The following ELAVL4 variants were observed in gnomAD, a reference collection of about 807,000 sequenced individuals.
ELAVL4 encodes ELAV-like protein 4.
In ELAVL4, 1 loss-of-function variant was observed where a neutral mutation model predicts 35.6. The ratio of observed to expected loss-of-function variants is 0.03; its 90% CI spans 0.01 to 0.13. ELAVL4 has a LOEUF of 0.13. Among genes scored for constraint, ELAVL4 ranks in the 10% least tolerant of loss-of-function variants. The pLI is 1.00. For synonymous variants in ELAVL4, 156 were observed against 171.0 expected (o/e 0.91, Z 0.69); for missense variants, 267 against 464.9 (o/e 0.57, Z 3.91).
intron 3 of ELAVL4, among the ~76,000 whole-genome samples, 168 bp downstream of exon 3, chr1:50,177,360 G>A (rs750931516): frequency 7.9e-5 from 12 of 152,210 alleles, no homozygotes; most frequent in Non-Finnish European, 1.3e-4. Context: ...TTACAGAAGA[G>A]TGAGGTGAGG....
chr1:50,068,157 G>A (rs1299478640), intron 1 of ELAVL4, among the ~76,000 whole-genome samples: 10 of 152,152 alleles, frequency 6.6e-5, no homozygotes, highest in Admixed American at 6.5e-4. Context: ...CAGGTTAAGG[G>A]GGATAGGTTA....
intron 2 of ELAVL4, among the ~76,000 whole-genome samples, chr1:50,167,704 G>T (rs12725207): frequency 0.075 from 11,418 of 152,178 alleles, 861 homozygotes; most frequent in East Asian, 0.42. Flanking sequence ...TCATGACAGG[G>T]GTGGCTGGGG....
At chr1:50,197,390 T>C in intron 5 of ELAVL4, 39 bp from the exon 6 acceptor site, 1 of 1,557,256 alleles carries the variant, frequency 6.4e-7, no homozygotes, top group Non-Finnish European at 8.6e-7. Flanking sequence ...TCTTGCCATC[T>C]GTGAGGCATT....
At chr1:50,083,294 A>G (rs1046614375) in intron 1 of ELAVL4, among the ~76,000 whole-genome samples, 5 of 152,010 alleles carry the variant, frequency 3.3e-5, no homozygotes, top group Admixed American at 3.3e-4. Context: ...TCAAACCCCC[A>G]ATGTCAAGTG....
intron 1 of ELAVL4, among the ~76,000 whole-genome samples, chr1:50,084,445 T>C (rs1665147627): frequency 6.6e-6 from 1 of 152,228 alleles, no homozygotes. Flanking sequence ...TCCAAGTCTT[T>C]TTTTATGCAT....
chr1:50,113,687 T>A (rs1667467266), intron 1 of ELAVL4, among the ~76,000 whole-genome samples: 1 of 152,144 alleles, frequency 6.6e-6, no homozygotes, highest in Admixed American at 6.6e-5. Flanking sequence ...ATCTTACTAT[T>A]GTCCAGTCGA....
At chr1:50,062,510 C>T (rs547203488) in intron 1 of ELAVL4, among the ~76,000 whole-genome samples, 1 of 152,246 alleles carries the variant, frequency 6.6e-6, no homozygotes, top group Admixed American at 6.5e-5. Context: ...ATTGATATTT[C>T]CCAGCCTGTG....
At chr1:50,080,028 G>T (rs1441180267) in intron 1 of ELAVL4, among the ~76,000 whole-genome samples, 4 of 152,114 alleles carry the variant, frequency 2.6e-5, no homozygotes, top group African/African-American at 9.7e-5. Context: ...CCACTGAAAT[G>T]ACTGTTCTGA....
At chr1:50,094,882 A>T (rs1438785367) in intron 1 of ELAVL4, among the ~76,000 whole-genome samples, 1 of 152,136 alleles carries the variant, frequency 6.6e-6, no homozygotes, top group Non-Finnish European at 1.5e-5. Context: ...GTGAGCCTAG[A>T]TTGCACCATT....
chr1:50,075,117 G>A (rs1664701468), intron 1 of ELAVL4, among the ~76,000 whole-genome samples: 1 of 152,182 alleles, frequency 6.6e-6, no homozygotes, highest in Non-Finnish European at 1.5e-5. Flanking sequence ...AGGATGAAGT[G>A]TGTGTCAGAT....
intron 2 of ELAVL4, among the ~76,000 whole-genome samples, chr1:50,162,833 C>T (rs1677040532): frequency 2.6e-5 from 4 of 151,928 alleles, no homozygotes; most frequent in Admixed American, 2.6e-4. Flanking sequence ...ATCCACCTGC[C>T]TTGGCCTCCC....
At chr1:50,131,811 G>C (rs1670903644) in intron 1 of ELAVL4, among the ~76,000 whole-genome samples, 1 of 144,962 alleles carries the variant, frequency 6.9e-6, no homozygotes, top group Non-Finnish European at 1.5e-5. Flanking sequence ...CAAACAAATA[G>C]AACAATGAAG....
At chr1:50,198,421 A>G (rs1644192049) in intron 6 of ELAVL4, among the ~76,000 whole-genome samples, 1 of 152,154 alleles carries the variant, frequency 6.6e-6, no homozygotes, top group Non-Finnish European at 1.5e-5. Context: ...AGTCTTTAAT[A>G]GTCCACATCA....
At chr1:50,091,280 C>T (rs916426178) in intron 1 of ELAVL4, among the ~76,000 whole-genome samples, 13 of 152,292 alleles carry the variant, frequency 8.5e-5, no homozygotes, top group African/African-American at 2.4e-4. Context: ...TACAGGAAAC[C>T]GTAAGTGGAT....
intron 3 of ELAVL4, among the ~76,000 whole-genome samples, chr1:50,178,819 G>C (rs1048089910): frequency 6.6e-5 from 10 of 152,156 alleles, no homozygotes; most frequent in Non-Finnish European, 5.9e-5. Context: ...GTGCTATCCA[G>C]TTCAGCATTA....
chr1:50,083,545 G>T (rs1665102887), intron 1 of ELAVL4, among the ~76,000 whole-genome samples: 1 of 152,174 alleles, frequency 6.6e-6, no homozygotes, highest in Non-Finnish European at 1.5e-5. Context: ...GGATGAGCAT[G>T]TATCTAACTA....
At chr1:50,052,626 C>G (rs1326798665) in intron 1 of ELAVL4, among the ~76,000 whole-genome samples, 1 of 152,176 alleles carries the variant, frequency 6.6e-6, no homozygotes, top group Non-Finnish European at 1.5e-5. Context: ...ATACTAATCC[C>G]TTGATGCATC....
At chr1:50,075,833 A>G (rs1396428332) in intron 1 of ELAVL4, among the ~76,000 whole-genome samples, 1 of 152,044 alleles carries the variant, frequency 6.6e-6, no homozygotes, top group Non-Finnish European at 1.5e-5. Context: ...AGAGAGAGAC[A>G]GAGAGACAGA....
chr1:50,084,443 T>C (rs927694936), intron 1 of ELAVL4, among the ~76,000 whole-genome samples: 41 of 152,162 alleles, frequency 2.7e-4, no homozygotes, highest in African/African-American at 9.6e-4. Context: ...CCTCCAAGTC[T>C]TTTTTTATGC....
Sources: gnomAD v4.1 joint callset for allele counts (sites outside exome capture counted in the v4.1 genomes callset) on GRCh38, gnomAD v4.1.1 for gene constraint, MANE v1.5 for transcripts, NCBI Gene and HGNC (gene_info 2026-07-23, HGNC 2026-07-21) for gene names.